TMIGD3: variants seen among roughly 807,000 people sequenced by gnomAD.
TMIGD3 encodes AD026 protein (AD026).
Under a neutral mutation model 28.1 loss-of-function variants are expected in TMIGD3, and 21 were observed. The ratio of observed to expected loss-of-function variants is 0.75; its 90% confidence interval spans 0.53 to 1.08. The LOEUF (loss-of-function observed/expected upper bound fraction) is 1.08, where lower values mean the gene tolerates loss of function less well. TMIGD3 is among the 50% of genes least tolerant of loss of function. The pLI is 0.00. For missense variants in TMIGD3, 416 were observed against 435.6 expected (o/e 0.96, Z 0.40); for synonymous variants, 151 against 162.1 (o/e 0.93, Z 0.52).
intron 1 of TMIGD3, among the ~76,000 whole-genome samples, chr1:111,560,041 T>C (rs942347916): frequency 1.3e-5 from 2 of 152,240 alleles, no homozygotes; most frequent in South Asian, 4.1e-4. Context: ...TAGGCAATTT[T>C]TTTCATTCAA....
chr1:111,495,419 T>A lies in TMIGD3; in HGVS notation c.351-4657A>T, dbSNP rs150800175. Among the ~76,000 whole-genome samples the A allele has an allele frequency of 7.8e-3, 1,195 of 152,270 alleles. 17 individuals carry two copies. The highest frequency in any genetic ancestry group is 0.028 in the African/African-American group (1,145 of 41,534). ...AAATCAAAATCAAAATGAGATACCA[T>A]CTCACACCAGTCAGAATGGCTATTA... On this transcript the variant is annotated intron_variant, in intron 1 of 5. Transcript: ENST00000369716.
At chr1:111,532,183 G>A (rs199845448) in intron 1 of TMIGD3, among the ~76,000 whole-genome samples, 1 of 86,796 alleles carries the variant, frequency 1.2e-5, no homozygotes, top group Non-Finnish European at 2.8e-5. Flanking sequence ...GAAGGCTTCG[G>A]GGAGACCCTC....
chr1:111,548,784 G>A (rs1657136442), intron 1 of TMIGD3, among the ~76,000 whole-genome samples: 1 of 152,108 alleles, frequency 6.6e-6, no homozygotes, highest in Non-Finnish European at 1.5e-5. Flanking sequence ...TAAACTTTTT[G>A]TAAAGCACCA....
At chr1:111,541,987 GAGGT>G (rs1656844615) in intron 1 of TMIGD3, among the ~76,000 whole-genome samples, 2 of 152,112 alleles carry the variant, frequency 1.3e-5, no homozygotes, top group Non-Finnish European at 2.9e-5. Flanking sequence ...GAATTTTTAT[GAGGT>G]GTGTCACCAG....
At chr1:111,522,803 AC>A in intron 1 of TMIGD3, among the ~76,000 whole-genome samples, 1 of 152,294 alleles carries the variant, frequency 6.6e-6, no homozygotes, top group Non-Finnish European at 1.5e-5. Flanking sequence ...GGCGTGAGCC[AC>A]CACGCCTGGC....
At chr1:111,526,034 G>C (rs949198811) in intron 1 of TMIGD3, among the ~76,000 whole-genome samples, 1 of 151,638 alleles carries the variant, frequency 6.6e-6, no homozygotes, top group Non-Finnish European at 1.5e-5. Context: ...TATTCCATCT[G>C]TTCTTGGGTT....
At chr1:111,505,074 C>T (rs1197710541), upstream of TMIGD3, 1 of 959,782 alleles carries the variant, frequency 1.0e-6, no homozygotes, top group Non-Finnish European at 1.2e-6. Context: ...TTTATCTGTG[C>T]TTCAGAGAAG....
intron 1 of TMIGD3, among the ~76,000 whole-genome samples, chr1:111,560,983 C>T (rs1295010726): frequency 1.3e-5 from 2 of 152,246 alleles, no homozygotes; most frequent in African/African-American, 2.4e-5. Flanking sequence ...CTGTCATCCT[C>T]TGAAAGCCCA....
upstream of TMIGD3, chr1:111,503,666 A>G (rs1655370599): frequency 9.0e-7 from 1 of 1,113,474 alleles, no homozygotes; most frequent in African/African-American, 1.6e-5. Flanking sequence ...TTAGTTCCCC[A>G]AACAGATGTC....
chr1:111,499,982 A>G (rs770181778), intron 1 of TMIGD3: 8 of 1,614,010 alleles, frequency 5.0e-6, no homozygotes, highest in Non-Finnish European at 6.8e-6. Flanking sequence ...CTTGTGTCCA[A>G]AGAATCAGAG....
At chr1:111,500,598 G>A (rs1189108270) in intron 1 of TMIGD3, 7 of 1,587,810 alleles carry the variant, frequency 4.4e-6, no homozygotes, top group Non-Finnish European at 6.0e-6. Context: ...AGCAGTAATT[G>A]CTAAAGGGTA....
At chr1:111,540,595 T>C (rs1283993499) in intron 1 of TMIGD3, among the ~76,000 whole-genome samples, 1 of 152,192 alleles carries the variant, frequency 6.6e-6, no homozygotes, top group Non-Finnish European at 1.5e-5. Context: ...TTTTCTCCAT[T>C]TACATGCATC....
At chr1:111,488,085 G>C (rs1283460492) in intron 3 of TMIGD3, among the ~76,000 whole-genome samples, 2 of 152,188 alleles carry the variant, frequency 1.3e-5, no homozygotes, top group East Asian at 3.8e-4. Flanking sequence ...GATTACAGGA[G>C]TGAGCCACCG....
At chr1:111,503,907 C>G (rs1655381751), upstream of TMIGD3, 4 of 987,336 alleles carry the variant, frequency 4.1e-6, no homozygotes, top group Non-Finnish European at 1.2e-6. Flanking sequence ...AGTGCAGGAT[C>G]AGGTGGGAGC....
rs190523268 is a variant in TMIGD3 at position 111,483,718 on chromosome 1, G to A, written c.1013C>T (p.Pro338Leu). 1.9e-5 allele frequency: 30 copies of A among 1,614,042 alleles called. No individual in the cohort carries two copies. The East Asian group carries it at 6.2e-4, about 34-fold the overall frequency. Residue 338 changes from proline to leucine, a missense_variant, in exon 6 of 6, where the codon CCA (proline) becomes CTA (leucine). Pro to Leu is a moderately conservative substitution (Grantham distance 98). Transcript: ENST00000369716. The stretch of plus-strand genomic sequence containing the variant: ...CTGTTCAGTAGGAGCCATTTCCTTT[G>A]GAGTCAGGACACGCGAGAAGGGCTT... ...TLKPFSRVLT[P>L]KEMAPTEQM
rs369205765 is a variant in TMIGD3 at position 111,537,929 on chromosome 1, C to T, written c.107+25917G>A. On this transcript the variant is annotated intron_variant, in intron 1 of 5. Coordinates refer to the TMIGD3 transcript ENST00000369717. ...CTATTCATTTATTTAAGGGCATTTT[C>T]CTCCCTGTACCCTAACTACTAAAAT... 3.0e-4 allele frequency among the ~76,000 whole-genome samples: 45 copies of T among 152,238 alleles called. No individual in the cohort carries two copies. The East Asian group carries it at 7.7e-3, about 26-fold the overall frequency.
intron 1 of TMIGD3, among the ~76,000 whole-genome samples, chr1:111,518,344 C>A (rs1655934777): frequency 6.6e-6 from 1 of 152,226 alleles, no homozygotes; most frequent in Non-Finnish European, 1.5e-5. Flanking sequence ...CAGGGTTTCT[C>A]AACCTCAACC....
chr1:111,539,521 T>C (rs1656747394), intron 1 of TMIGD3, among the ~76,000 whole-genome samples: 1 of 152,082 alleles, frequency 6.6e-6, no homozygotes, highest in African/African-American at 2.4e-5. Context: ...TGGTCTCCAA[T>C]TCTTGACCTC....
intron 1 of TMIGD3, among the ~76,000 whole-genome samples, chr1:111,556,461 G>A (rs1057132777): frequency 2.0e-5 from 3 of 152,160 alleles, no homozygotes; most frequent in African/African-American, 4.8e-5. Context: ...CATGTTTATA[G>A]CAGCATTACT....
Sources: allele counts gnomAD v4.1 joint callset (sites outside exome capture counted in the v4.1 genomes callset), GRCh38; gene constraint gnomAD v4.1.1; transcripts MANE v1.5; gene names NCBI Gene and HGNC (gene_info 2026-07-23, HGNC 2026-07-21).